Variants in ZBTB7C observed in about 807,000 individuals in gnomAD.
ZBTB7C encodes the protein zinc finger and BTB domain containing 7C, also known as zinc finger and BTB domain-containing protein 7C.
ZBTB7C carries 8 observed loss-of-function variants against 25.7 expected under a neutral mutation model. The observed-to-expected ratio is 0.31, with a 90% CI of 0.18 to 0.56. The LOEUF is 0.56. ZBTB7C is among the 20% of genes least tolerant of loss of function. The pLI is 0.91. For synonymous variants in ZBTB7C, 394 were observed against 369.0 expected, an observed-to-expected ratio of 1.07 and a Z score of -0.78; for missense variants, 824 against 855.2, an observed-to-expected ratio of 0.96 and a Z score of 0.46.
chr18:48,251,752 C>A (rs1212934381), intron 2 of ZBTB7C, among the ~76,000 whole-genome samples: 1 of 152,206 alleles, frequency 6.6e-6, no homozygotes, highest in East Asian at 1.9e-4. Flanking sequence ...AACGTCACAC[C>A]TGCTCTGACC....
At chr18:48,078,714 G>A (rs959066111) in intron 3 of ZBTB7C, among the ~76,000 whole-genome samples, 4 of 152,170 alleles carry the variant, frequency 2.6e-5, no homozygotes, top group Non-Finnish European at 5.9e-5. Flanking sequence ...GTAGCAGGGT[G>A]GGGGGCTCTG....
intron 2 of ZBTB7C, among the ~76,000 whole-genome samples, chr18:48,193,293 C>A (rs2042241051): frequency 6.6e-6 from 1 of 152,320 alleles, no homozygotes; most frequent in Non-Finnish European, 1.5e-5. Context: ...CAGGCACACT[C>A]TCCCTGACTT....
chr18:48,111,528 G>A (rs571092874), intron 3 of ZBTB7C, among the ~76,000 whole-genome samples: 74 of 152,344 alleles, frequency 4.9e-4, no homozygotes, highest in African/African-American at 1.7e-3. Context: ...TTCTGAACCT[G>A]TCACAGTTAT....
chr18:48,068,607 G>T (rs1358547310), intron 3 of ZBTB7C, among the ~76,000 whole-genome samples: 1 of 152,156 alleles, frequency 6.6e-6, no homozygotes, highest in Non-Finnish European at 1.5e-5. Flanking sequence ...ACTCCCCAGG[G>T]CCTCCCCATG....
intron 3 of ZBTB7C, among the ~76,000 whole-genome samples, chr18:48,134,111 T>C (rs1176364496): frequency 7.6e-6 from 1 of 131,384 alleles, no homozygotes; most frequent in Non-Finnish European, 1.6e-5. Context: ...TTTTTTTTTT[T>C]AAGAAAAGGA....
At chr18:48,222,416 G>A (rs140673788) in intron 2 of ZBTB7C, among the ~76,000 whole-genome samples, 48 of 152,266 alleles carry the variant, frequency 3.2e-4, no homozygotes, top group African/African-American at 1.2e-3. Context: ...AGGAGAGTGT[G>A]GGAGGAACCA....
intron 2 of ZBTB7C, among the ~76,000 whole-genome samples, chr18:48,239,724 A>G (rs1287843234): frequency 6.6e-6 from 1 of 152,184 alleles, no homozygotes. Context: ...GTAGCCCTTG[A>G]GCCCCGGATC....
chr18:48,183,759 G>A (rs988097945), intron 3 of ZBTB7C, among the ~76,000 whole-genome samples: 1 of 152,174 alleles, frequency 6.6e-6, no homozygotes, highest in African/African-American at 2.4e-5. Flanking sequence ...TGCCTTGGAA[G>A]CTGCACCACC....
chr18:48,090,436 G>C (rs1359583847), intron 3 of ZBTB7C, among the ~76,000 whole-genome samples: 2 of 152,206 alleles, frequency 1.3e-5, no homozygotes, highest in Non-Finnish European at 2.9e-5. Flanking sequence ...GCACTTTCCT[G>C]AACAATTGCT....
At chr18:48,243,409 A>G (rs2043587498) in intron 2 of ZBTB7C, among the ~76,000 whole-genome samples, 1 of 152,128 alleles carries the variant, frequency 6.6e-6, no homozygotes, top group Admixed American at 6.5e-5. Flanking sequence ...CAAGAACTCA[A>G]CCCCTTTTAC....
intron 2 of ZBTB7C, among the ~76,000 whole-genome samples, chr18:48,319,620 A>C (rs1003992455): frequency 1.6e-4 from 25 of 152,238 alleles, no homozygotes; most frequent in African/African-American, 6.0e-4. Flanking sequence ...GCTTTGAACA[A>C]GGCTAAAAGT....
intron 2 of ZBTB7C, among the ~76,000 whole-genome samples, chr18:48,256,477 C>A (rs867758834): frequency 3.7e-4 from 48 of 131,410 alleles, no homozygotes; most frequent in African/African-American, 5.8e-4. Flanking sequence ...TACAAAAGCT[C>A]AAAAAAAAAA....
chr18:48,127,099 T>G (rs1250003699), intron 3 of ZBTB7C, among the ~76,000 whole-genome samples: 1 of 152,168 alleles, frequency 6.6e-6, no homozygotes, highest in African/African-American at 2.4e-5. Context: ...TCATTCAGTC[T>G]TCACATCAAC....
intron 2 of ZBTB7C, among the ~76,000 whole-genome samples, chr18:48,233,097 A>G (rs370531815): frequency 2.8e-4 from 42 of 152,296 alleles, no homozygotes; most frequent in African/African-American, 8.9e-4. Flanking sequence ...TTAATTCCCA[A>G]TGCAGCATTG....
At chr18:48,281,087 C>T (rs758584261) in intron 2 of ZBTB7C, among the ~76,000 whole-genome samples, 9 of 152,072 alleles carry the variant, frequency 5.9e-5, no homozygotes, top group African/African-American at 7.2e-5. Context: ...CCCCTGACCT[C>T]GGGTGATTCA....
At chr18:48,380,606 G>GGGTTATTATT (rs1488022807) in intron 1 of ZBTB7C, among the ~76,000 whole-genome samples, 1 of 152,144 alleles carries the variant, frequency 6.6e-6, no homozygotes, top group East Asian at 1.9e-4. Flanking sequence ...CAGTAGCAAT[G>GGGTTATTATT]AGCACACCTA....
chr18:48,038,506 G>A (rs555732545), intron 4 of ZBTB7C, among the ~76,000 whole-genome samples: 10 of 150,988 alleles, frequency 6.6e-5, no homozygotes, highest in Admixed American at 6.6e-4. Context: ...TAGTTTCCAA[G>A]CAACCCAGAA....
At chr18:48,253,468 A>G (rs951044694) in intron 2 of ZBTB7C, among the ~76,000 whole-genome samples, 1 of 152,154 alleles carries the variant, frequency 6.6e-6, no homozygotes, top group Non-Finnish European at 1.5e-5. Flanking sequence ...GATGAGAAAA[A>G]CTAATGTGAG....
intron 3 of ZBTB7C, among the ~76,000 whole-genome samples, chr18:48,066,873 G>A (rs987119515): frequency 2.6e-5 from 4 of 152,126 alleles, no homozygotes; most frequent in South Asian, 2.1e-4. Context: ...AGGCCAAGGC[G>A]GGCGGATTGC....
Sources: gnomAD v4.1 joint callset for allele counts (sites outside exome capture counted in the v4.1 genomes callset) on GRCh38, gnomAD v4.1.1 for gene constraint, MANE v1.5 for transcripts, NCBI Gene and HGNC (gene_info 2026-07-23, HGNC 2026-07-21) for gene names.